The following CCSER2 variants were observed in gnomAD, a reference collection of about 807,000 sequenced individuals.
The protein encoded by CCSER2 is coiled-coil serine rich protein 2, also known as serine-rich coiled-coil domain-containing protein 2.
Under a neutral mutation model 92.3 loss-of-function variants are expected in CCSER2, and 46 were observed. The ratio of observed to expected loss-of-function variants is 0.50; its 90% CI spans 0.39 to 0.64. The LOEUF is 0.64. Ranked by LOEUF, CCSER2 falls within the 30% of genes least tolerant of loss-of-function variation. The pLI, the probability that CCSER2 is intolerant of heterozygous loss-of-function variation, is 0.00. For synonymous variants in CCSER2, 433 were observed against 431.4 expected (o/e 1.00, Z -0.04); for missense variants, 1,244 against 1,238.9 (o/e 1.00, Z -0.06).
At chr10:84,474,228 G>C (rs1182507816) in intron 8 of CCSER2, among the ~76,000 whole-genome samples, 1 of 152,156 alleles carries the variant, frequency 6.6e-6, no homozygotes, top group Non-Finnish European at 1.5e-5. Flanking sequence ...GTGGAACTCA[G>C]GTTAAGTGGG....
intron 1 of CCSER2, among the ~76,000 whole-genome samples, chr10:84,368,038 A>G (rs1448290587): frequency 6.6e-6 from 1 of 152,080 alleles, no homozygotes; most frequent in East Asian, 1.9e-4. Flanking sequence ...GTACATGTCT[A>G]TGGGCTTCAG....
intron 3 of CCSER2, among the ~76,000 whole-genome samples, chr10:84,383,623 C>G (rs1205940501): frequency 6.6e-6 from 1 of 152,138 alleles, no homozygotes; most frequent in Non-Finnish European, 1.5e-5. Flanking sequence ...GTGCTTTATT[C>G]TTTCTAATGT....
chr10:84,490,479 T>G (rs1225806245), intron 9 of CCSER2, among the ~76,000 whole-genome samples: 1 of 152,244 alleles, frequency 6.6e-6, no homozygotes, highest in Non-Finnish European at 1.5e-5. Flanking sequence ...TCTCGCTTCA[T>G]TTCATTCATT....
intron 3 of CCSER2, among the ~76,000 whole-genome samples, chr10:84,413,642 G>A (rs1374250201): frequency 6.6e-6 from 1 of 152,210 alleles, no homozygotes; most frequent in East Asian, 1.9e-4. Flanking sequence ...GGAGAGTCCT[G>A]TATATATCTA....
Position 84,372,140 on chromosome 10 carries a change from A to G in CCSER2, c.1088A>G (p.Lys363Arg). 2 of 1,613,622 alleles carry G rather than the reference A, an allele frequency of 1.2e-6. No individual in the cohort carries two copies. The highest frequency in any genetic ancestry group is 1.7e-6 in the Non-Finnish European group (2 of 1,179,752). The stretch of plus-strand genomic sequence containing the variant: ...TTGGCTAAGGACAGAGCTGCTAATA[A>G]GGACCAAGAACTGATTGAAAATGAA... ...TVLAKDRAANKDQELIENESY... is the reference protein window; with the variant it reads ...TVLAKDRAANRDQELIENESY... Residue 363 changes from lysine to arginine, a missense_variant, in exon 2 of 10, where the codon AAG becomes AGG. Coordinates refer to ENST00000372088, the MANE Select transcript of CCSER2 (RefSeq NM_001284240.2).
At chr10:84,429,063 G>C (rs966091980) in intron 5 of CCSER2, among the ~76,000 whole-genome samples, 15 of 148,418 alleles carry the variant, frequency 1.0e-4, no homozygotes, top group Non-Finnish European at 2.1e-4. Context: ...TTTTCTTCTT[G>C]AGATATCCTT....
intron 1 of CCSER2, among the ~76,000 whole-genome samples, chr10:84,355,637 A>G (rs1845126901): frequency 6.6e-6 from 1 of 152,202 alleles, no homozygotes; most frequent in Admixed American, 6.5e-5. Context: ...CCTCTATCTT[A>G]GAGCCTGATT....
intron 3 of CCSER2, among the ~76,000 whole-genome samples, chr10:84,374,577 C>T (rs1160717738): frequency 1.3e-5 from 2 of 152,152 alleles, no homozygotes; most frequent in African/African-American, 4.8e-5. Flanking sequence ...ATCATGTGGT[C>T]CCATCTGAGT....
rs777355436 is a variant in CCSER2, at chr10:84,425,748, AACCGCTTTG to A, written c.1728_1736del (p.Phe577_Arg579del). 13 of 1,610,450 alleles carry A rather than the reference AACCGCTTTG, an allele frequency of 8.1e-6. No homozygotes were observed. Among genetic ancestry groups the A allele is most frequent in the Admixed American group, 3.4e-5 (2 of 59,672 alleles). On this transcript the variant is annotated inframe_deletion, in exon 5 of 10. Transcript: ENST00000372088. ...CTGTCTAGTGGAGTGTGACAATATG[AACCGCTTTG>A]ACCGACCAGACAGAAATGTTCGGCA...
chr10:84,498,266 T>A (rs1848551877), intron 9 of CCSER2, among the ~76,000 whole-genome samples: 1 of 152,210 alleles, frequency 6.6e-6, no homozygotes, highest in South Asian at 2.1e-4. Flanking sequence ...CCAAAACATT[T>A]CACAAACAGC....
In CCSER2 at chr10:84,347,838, T is replaced by C. The variant is rs538207961; in HGVS notation, c.-40+19030T>C. On this transcript the variant is annotated intron_variant, in intron 1 of 9. Transcript: ENST00000372088. Reference sequence around the variant, plus strand: ...CGGGGTCGTGGCTGGGCAGAGGCGCTCCTCACATCCCAGACGGGGCGGCGG... The same window carrying C: ...CGGGGTCGTGGCTGGGCAGAGGCGCCCCTCACATCCCAGACGGGGCGGCGG... Among the ~76,000 whole-genome samples the C allele has an allele frequency of 2.4e-3, 364 of 149,572 alleles. 1 individual carries two copies. The highest frequency in any genetic ancestry group is 8.7e-3 in the African/African-American group (348 of 40,184).
intron 5 of CCSER2, among the ~76,000 whole-genome samples, chr10:84,429,868 A>G (rs1843667934): frequency 9.5e-6 from 1 of 105,298 alleles, no homozygotes; most frequent in South Asian, 3.3e-4. Flanking sequence ...GTCACAAAAA[A>G]TTTGAAAAAA....
At chr10:84,504,160 G>A (rs1848917869) in intron 9 of CCSER2, among the ~76,000 whole-genome samples, 1 of 152,046 alleles carries the variant, frequency 6.6e-6, no homozygotes, top group African/African-American at 2.4e-5. Context: ...CTAGCAACCT[G>A]CAGTTAAAAA....
At position 84,513,852 on chromosome 10, in the gene CCSER2, C is replaced by T. The variant is rs936524864; in HGVS notation, c.2729C>T (p.Pro910Leu). The T allele has an allele frequency of 1.0e-5, 16 of 1,536,164 alleles. No individual in the cohort carries two copies. The highest frequency in any genetic ancestry group is 1.4e-5 in the Non-Finnish European group (16 of 1,146,948). The change falls in exon 10 of 10, where the codon CCA becomes CTA. Residue 910 changes from proline (P) to leucine (L), a missense_variant. Transcript: ENST00000372088. The stretch of plus-strand genomic sequence containing the variant: ...AGAGTTGGAAGAAATCAGTCTCCGC[C>T]AGTGGGTTATATGTCTCAGCCCAAG... ...AKRVGRNQSP[P>L]VGYMSQPKSL...
chr10:84,513,883 G>T lies in CCSER2; in HGVS notation c.2760G>T (p.Leu920Phe). 2 of 1,536,366 alleles carry T rather than the reference G, an allele frequency of 1.3e-6. No individual in the cohort carries two copies. The highest frequency in any genetic ancestry group is 8.7e-7 in the Non-Finnish European group (1 of 1,146,960). The change falls in exon 10 of 10, where the codon TTG becomes TTT. Residue 920 changes from leucine (L) to phenylalanine (F), a missense_variant. Leu to Phe is a conservative substitution (Grantham distance 22). Transcript: ENST00000372088. Reference sequence around the variant, plus strand: ...GTTATATGTCTCAGCCCAAGTCCTTGCAGCTTTTAAAGCCATCCATATTGA... The same window carrying T: ...GTTATATGTCTCAGCCCAAGTCCTTTCAGCTTTTAAAGCCATCCATATTGA... ...PVGYMSQPKSLQLLKPSILSS... is the reference protein window; with the variant it reads ...PVGYMSQPKSFQLLKPSILSS...
intron 9 of CCSER2, among the ~76,000 whole-genome samples, chr10:84,511,582 T>A (rs1343752193): frequency 6.6e-6 from 1 of 152,208 alleles, no homozygotes; most frequent in African/African-American, 2.4e-5. Flanking sequence ...AGTTTTAACT[T>A]GGAACTAGAA....
intron 1 of CCSER2, among the ~76,000 whole-genome samples, chr10:84,331,822 A>G (rs1008221568): frequency 2.0e-5 from 3 of 152,242 alleles, no homozygotes; most frequent in African/African-American, 7.2e-5. Flanking sequence ...GCATACACAT[A>G]ATGCTTAATA....
intron 9 of CCSER2, among the ~76,000 whole-genome samples, chr10:84,487,726 CT>C (rs1847894083): frequency 6.6e-6 from 1 of 152,120 alleles, no homozygotes. Context: ...ATTGAATACC[CT>C]TTATTTCTTT....
chr10:84,373,275 T>A (rs908713572), intron 2 of CCSER2, among the ~76,000 whole-genome samples: 5 of 152,110 alleles, frequency 3.3e-5, no homozygotes, highest in Non-Finnish European at 2.9e-5. Context: ...TGAAGTTAAA[T>A]AGTGTACACA....
Sources: gnomAD v4.1 joint callset for allele counts (sites outside exome capture counted in the v4.1 genomes callset) on GRCh38, gnomAD v4.1.1 for gene constraint, MANE v1.5 for transcripts, NCBI Gene and HGNC (gene_info 2026-07-23, HGNC 2026-07-21) for gene names.